The following DGKG variants were observed in gnomAD, a reference collection of about 807,000 sequenced individuals.
The protein encoded by DGKG is diacylglycerol kinase gamma, also known as DAG kinase gamma.
DGKG carries 78 observed loss-of-function variants against 105.3 expected under a neutral mutation model. The ratio of observed to expected loss-of-function variants is 0.74; its 90% CI spans 0.62 to 0.89. DGKG has a LOEUF of 0.89. Ranked by LOEUF, DGKG falls within the 40% of genes least tolerant of loss-of-function variation. DGKG has a pLI of 0.00. For missense variants in DGKG, 958 were observed against 1,020.1 expected (o/e 0.94, Z 0.83); for synonymous variants, 346 against 367.1 (o/e 0.94, Z 0.66).
chr3:186,305,102 G>A (rs532135472), intron 3 of DGKG, among the ~76,000 whole-genome samples: 1 of 152,306 alleles, frequency 6.6e-6, no homozygotes, highest in African/African-American at 2.4e-5. Flanking sequence ...TGAAGACACA[G>A]CAGTGAACAA....
chr3:186,336,719 G>C (rs1725848342), intron 1 of DGKG, among the ~76,000 whole-genome samples: 1 of 152,084 alleles, frequency 6.6e-6, no homozygotes, highest in African/African-American at 2.4e-5. Context: ...GCAATCCTTT[G>C]GCAGAGTATG....
At chr3:186,309,263 G>T (rs527708896) in intron 2 of DGKG, among the ~76,000 whole-genome samples, 50 of 152,072 alleles carry the variant, frequency 3.3e-4, no homozygotes, top group African/African-American at 1.2e-3. Context: ...AGTGGAAAGG[G>T]TATTCTCGGA....
intron 22 of DGKG, among the ~76,000 whole-genome samples, chr3:186,172,720 G>A (rs1578619290): frequency 2.0e-5 from 3 of 152,326 alleles, no homozygotes; most frequent in Admixed American, 2.0e-4. Flanking sequence ...TAGAAAAACT[G>A]TAGTCACAGA....
intron 11 of DGKG, among the ~76,000 whole-genome samples, chr3:186,269,386 C>T (rs1186075688): frequency 6.6e-6 from 1 of 152,172 alleles, no homozygotes; most frequent in Non-Finnish European, 1.5e-5. Context: ...AGTCTCAGGT[C>T]CCTGACCTGT....
intron 21 of DGKG, among the ~76,000 whole-genome samples, chr3:186,202,736 G>C (rs1291330474): frequency 1.3e-5 from 2 of 152,194 alleles, no homozygotes; most frequent in African/African-American, 4.8e-5. Context: ...TGTATTGTGG[G>C]AGAGCATTCT....
intron 20 of DGKG, among the ~76,000 whole-genome samples, chr3:186,222,550 T>C (rs7648566): frequency 0.025 from 3,874 of 152,250 alleles, 142 homozygotes; most frequent in African/African-American, 0.089. Flanking sequence ...TAATTAAGAA[T>C]ACACACACAT....
chr3:186,348,836 T>A (rs1484558383), intron 1 of DGKG, among the ~76,000 whole-genome samples: 1 of 152,224 alleles, frequency 6.6e-6, no homozygotes, highest in Non-Finnish European at 1.5e-5. Flanking sequence ...TGACACTTGC[T>A]TATTTTTTCT....
chr3:186,314,422 T>G (rs1724713562), intron 2 of DGKG, among the ~76,000 whole-genome samples: 1 of 152,190 alleles, frequency 6.6e-6, no homozygotes, highest in African/African-American at 2.4e-5. Flanking sequence ...TTTTAAAATG[T>G]GTAATGCTTG....
intron 21 of DGKG, among the ~76,000 whole-genome samples, chr3:186,208,842 G>A (rs946368177): frequency 3.3e-5 from 5 of 152,178 alleles, no homozygotes; most frequent in African/African-American, 1.2e-4. Flanking sequence ...TCTAGCACCT[G>A]TTAGGTAAAT....
At chr3:186,202,035 G>A (rs1718493190) in intron 21 of DGKG, among the ~76,000 whole-genome samples, 1 of 152,218 alleles carries the variant, frequency 6.6e-6, no homozygotes, top group South Asian at 2.1e-4. Context: ...ACAGATTGAG[G>A]CTTGAAACTC....
intron 20 of DGKG, among the ~76,000 whole-genome samples, chr3:186,223,610 A>G: frequency 6.6e-6 from 1 of 152,162 alleles, no homozygotes; most frequent in Non-Finnish European, 1.5e-5. Flanking sequence ...TTCCTGTGCC[A>G]GTTTAAAAAA....
chr3:186,207,358 G>T, intron 21 of DGKG: 1 of 772,744 alleles, frequency 1.3e-6, no homozygotes, highest in Non-Finnish European at 1.6e-6. Flanking sequence ...TCGGGTGTCT[G>T]GCAAATCTGG....
chr3:186,255,896 C>CT (rs1285373481), intron 17 of DGKG, among the ~76,000 whole-genome samples: 4 of 152,180 alleles, frequency 2.6e-5, no homozygotes, highest in Non-Finnish European at 5.9e-5. Flanking sequence ...TTTGCTTCTG[C>CT]TTTTTTCTCT....
At position 186,275,618 on chromosome 3, in the gene DGKG, T is replaced by C; in HGVS notation, c.839A>G (p.Lys280Arg). Residue 280 changes from lysine to arginine, a missense_variant, in exon 10 of 25, where the codon AAG becomes AGG. Physicochemically the swap from Lys to Arg is conservative, Grantham distance 26. Transcript: ENST00000265022. Reference sequence around the variant, plus strand: ...GCAGAAGTTGCAGTAGGTTGGTTTCTTGAAGTGCTTCATGGTCCAGGCGTG... The same window carrying C: ...GCAGAAGTTGCAGTAGGTTGGTTTCCTGAAGTGCTTCATGGTCCAGGCGTG... ...GRHAWTMKHF[K>R]KPTYCNFCHI... 1 of 1,614,242 alleles carries C rather than the reference T, an allele frequency of 6.2e-7. No homozygotes were observed. Among genetic ancestry groups the C allele is most frequent in the Non-Finnish European group, 8.5e-7 (1 of 1,180,046 alleles).
At position 186,216,092 on chromosome 3, in the gene DGKG, C is replaced by T. The variant is rs572625680; in HGVS notation, c.1827-4207G>A. ...TGGCTCACTGCAACCTCCGCCTCCC[C>T]GGTTCAAGCGATTCTCATGCCTCAG... is the stretch of plus-strand genomic sequence containing the variant. On this transcript the variant is annotated intron_variant, in intron 20 of 24. Transcript: ENST00000265022. Among the ~76,000 whole-genome samples the T allele has an allele frequency of 7.2e-5, 11 of 151,782 alleles. No individual in the cohort carries two copies. In the South Asian group the frequency reaches 1.5e-3, roughly 20 times the overall value.
At chr3:186,273,744 T>C (rs367998460) in intron 10 of DGKG, among the ~76,000 whole-genome samples, 1 of 152,108 alleles carries the variant, frequency 6.6e-6, no homozygotes, top group African/African-American at 2.4e-5. Flanking sequence ...CAAGGCGACT[T>C]CTGTGGCTGA....
chr3:186,358,350 G>C (rs1269317881), intron 1 of DGKG, among the ~76,000 whole-genome samples: 2 of 152,362 alleles, frequency 1.3e-5, no homozygotes, highest in South Asian at 2.1e-4. Flanking sequence ...TTCCGGACCT[G>C]AGCTGAATCT....
chr3:186,284,777 C>T lies in DGKG; in HGVS notation c.545-68G>A. 3.0e-6 allele frequency: 4 copies of T among 1,345,840 alleles called. No homozygotes were observed. Among genetic ancestry groups the T allele is most frequent in the Non-Finnish European group, 4.3e-6 (4 of 938,042 alleles). The allele number at this position is 1,345,840 out of a possible 1,614,324, so 83.4% of individuals were successfully genotyped here. On this transcript the variant is annotated intron_variant, in intron 6 of 24. Coordinates refer to ENST00000265022, the MANE Select transcript of DGKG (RefSeq NM_001346.3). This position sits in a 1 kb window ranked among gnomAD's most constrained non-coding sequence, Gnocchi z 4.0. ...AGCGCGGATGGCTGAAGTTTTGATG[C>T]TGCCAGGTTTTTAGATTAGTTCTGT...
chr3:186,207,987 A>G (rs1718830817), intron 21 of DGKG, among the ~76,000 whole-genome samples: 1 of 152,222 alleles, frequency 6.6e-6, no homozygotes, highest in Admixed American at 6.5e-5. Context: ...TCAAACAGCC[A>G]CTAGCCTCAG....
Sources: gnomAD v4.1 joint callset for allele counts (sites outside exome capture counted in the v4.1 genomes callset) on GRCh38, gnomAD v4.1.1 for gene constraint, Gnocchi (gnomAD v3.1) non-coding constraint, MANE v1.5 for transcripts, NCBI Gene and HGNC (gene_info 2026-07-23, HGNC 2026-07-21) for gene names.